PRKN: variants seen among roughly 807,000 people sequenced by gnomAD.
PRKN encodes parkin RBR E3 ubiquitin protein ligase.
PRKN carries 56 observed loss-of-function variants against 59.5 expected under a neutral mutation model. The observed-to-expected ratio is 0.94, with a 90% CI of 0.76 to 1.18. PRKN has a LOEUF of 1.18. Among genes scored for constraint, PRKN ranks in the 50% most tolerant of loss-of-function variants. The pLI is 0.00. For synonymous variants in PRKN, 250 were observed against 222.1 expected (o/e 1.13, Z -1.12); for missense variants, 657 against 596.4 (o/e 1.10, Z -1.06).
At chr6:161,732,269 TAC>T (rs1214525447) in intron 7 of PRKN, among the ~76,000 whole-genome samples, 5 of 152,198 alleles carry the variant, frequency 3.3e-5, no homozygotes, top group Middle Eastern at 3.4e-3. Flanking sequence ...GTATGTTTAG[TAC>T]AGACAGGGTT....
chr6:161,500,364 C>T (rs890490273), intron 9 of PRKN, among the ~76,000 whole-genome samples: 2 of 152,184 alleles, frequency 1.3e-5, no homozygotes, highest in Non-Finnish European at 2.9e-5. Context: ...GCTGTACTTC[C>T]TATGGGTTTG....
chr6:162,380,692 T>C (rs71567645), intron 2 of PRKN, among the ~76,000 whole-genome samples: 3,988 of 151,612 alleles, frequency 0.026, 85 homozygotes, highest in Non-Finnish European at 0.04. Context: ...CCTTGAGAAA[T>C]ATACTTCTGT....
intron 1 of PRKN, among the ~76,000 whole-genome samples, chr6:162,704,308 C>T (rs567544614): frequency 2.0e-5 from 3 of 152,246 alleles, no homozygotes; most frequent in Non-Finnish European, 4.4e-5. Flanking sequence ...TTTAGGAAGC[C>T]AAAGCCTCTG....
chr6:161,515,633 T>C (rs575481058), intron 9 of PRKN, among the ~76,000 whole-genome samples: 1 of 152,344 alleles, frequency 6.6e-6, no homozygotes, highest in Non-Finnish European at 1.5e-5. Flanking sequence ...TCCTTAGGAC[T>C]GATTTAAGCA....
chr6:161,657,868 A>G (rs1308819944), intron 7 of PRKN, among the ~76,000 whole-genome samples: 1 of 152,030 alleles, frequency 6.6e-6, no homozygotes, highest in African/African-American at 2.4e-5. Flanking sequence ...TCTACTAAAA[A>G]TACAAAAAAA....
At chr6:162,311,748 G>T (rs1445632299) in intron 2 of PRKN, among the ~76,000 whole-genome samples, 1 of 152,020 alleles carries the variant, frequency 6.6e-6, no homozygotes, top group African/African-American at 2.4e-5. Flanking sequence ...CTTAGGGTGA[G>T]AAAGCCTTCC....
At chr6:161,774,599 C>T (rs1402487093) in intron 7 of PRKN, among the ~76,000 whole-genome samples, 2 of 152,176 alleles carry the variant, frequency 1.3e-5, no homozygotes, top group Non-Finnish European at 2.9e-5. Flanking sequence ...AGCTGAGACA[C>T]AGGGGCTGCT....
intron 7 of PRKN, among the ~76,000 whole-genome samples, chr6:161,693,206 T>C (rs1239083853): frequency 6.6e-6 from 1 of 152,194 alleles, no homozygotes; most frequent in East Asian, 1.9e-4. Flanking sequence ...TATAATGTCA[T>C]TTTAAATGGC....
chr6:161,899,281 G>A (rs577200185), intron 6 of PRKN, among the ~76,000 whole-genome samples: 16 of 152,302 alleles, frequency 1.1e-4, no homozygotes, highest in East Asian at 3.9e-4. Context: ...AGTATGTTCC[G>A]ATGAGAATTA....
chr6:162,153,962 G>C (rs1216995050), intron 4 of PRKN, among the ~76,000 whole-genome samples: 1 of 152,196 alleles, frequency 6.6e-6, no homozygotes, highest in African/African-American at 2.4e-5. Context: ...ACTCGGGAGA[G>C]AGCGGGTAAG....
At chr6:161,788,383 C>T (rs886374468) in intron 6 of PRKN, among the ~76,000 whole-genome samples, 7 of 152,236 alleles carry the variant, frequency 4.6e-5, no homozygotes, top group Admixed American at 2.0e-4. Context: ...CCTGGAAGTG[C>T]ACACCTTCCA....
At chr6:162,243,942 G>C (rs1285934605) in intron 3 of PRKN, among the ~76,000 whole-genome samples, 2 of 152,028 alleles carry the variant, frequency 1.3e-5, no homozygotes, top group Admixed American at 1.3e-4. Context: ...GGCAACAACT[G>C]TCAAACAGCT....
chr6:162,647,855 C>A (rs1342933413), intron 1 of PRKN, among the ~76,000 whole-genome samples: 2 of 140,272 alleles, frequency 1.4e-5, no homozygotes, highest in African/African-American at 5.4e-5. Flanking sequence ...TCCTCTATTG[C>A]AAACAATGAA....
chr6:162,486,941 A>G (rs926749747), intron 1 of PRKN, among the ~76,000 whole-genome samples: 3 of 152,064 alleles, frequency 2.0e-5, no homozygotes, highest in African/African-American at 4.8e-5. Context: ...GTGGTAGTGC[A>G]TACCTGTAAT....
chr6:161,426,045 G>A (rs746553308), intron 9 of PRKN, among the ~76,000 whole-genome samples: 2 of 152,096 alleles, frequency 1.3e-5, no homozygotes, highest in Non-Finnish European at 2.9e-5. Context: ...ATGAGTGATG[G>A]CCTCCCAAGT....
At chr6:161,829,387 T>C (rs942806811) in intron 6 of PRKN, among the ~76,000 whole-genome samples, 2 of 152,218 alleles carry the variant, frequency 1.3e-5, no homozygotes, top group African/African-American at 4.8e-5. Flanking sequence ...GCATTGTGTT[T>C]CGTGACAGTT....
intron 6 of PRKN, among the ~76,000 whole-genome samples, chr6:161,789,233 A>G (rs1476667816): frequency 1.3e-5 from 2 of 152,212 alleles, no homozygotes; most frequent in Admixed American, 6.5e-5. Context: ...GGTCTACATC[A>G]TTAACTTCCT....
intron 1 of PRKN, among the ~76,000 whole-genome samples, chr6:162,523,224 G>A (rs747691119): frequency 6.6e-6 from 1 of 152,182 alleles, no homozygotes; most frequent in African/African-American, 2.4e-5. Context: ...AGGAGAGTGG[G>A]AATTCACAGG....
At chr6:161,610,360 A>T (rs1401143892) in intron 7 of PRKN, among the ~76,000 whole-genome samples, 1 of 152,024 alleles carries the variant, frequency 6.6e-6, no homozygotes, top group Non-Finnish European at 1.5e-5. Flanking sequence ...CAAAATACGT[A>T]CCTCTAAAAA....
Sources: allele counts gnomAD v4.1 joint callset (sites outside exome capture counted in the v4.1 genomes callset), GRCh38; gene constraint gnomAD v4.1.1; transcripts MANE v1.5; gene names NCBI Gene and HGNC (gene_info 2026-07-23, HGNC 2026-07-21).